Variants in RET observed in about 807,000 individuals in gnomAD.
RET encodes the protein proto-oncogene tyrosine-protein kinase receptor Ret.
RET carries 19 observed loss-of-function variants against 118.3 expected under a neutral mutation model. The ratio of observed to expected loss-of-function variants is 0.16; its 90% CI spans 0.11 to 0.24. The LOEUF is 0.24. Among genes scored for constraint, RET ranks in the 10% least tolerant of loss-of-function variants. The pLI, the probability that RET is intolerant of heterozygous loss-of-function variation, is 1.00. For missense variants in RET, 1,219 were observed against 1,502.1 expected (o/e 0.81, Z 3.12); for synonymous variants, 597 against 644.1 (o/e 0.93, Z 1.11).
chr10:43,083,059 A>G (rs1270632436), intron 1 of RET, among the ~76,000 whole-genome samples: 1 of 152,152 alleles, frequency 6.6e-6, no homozygotes, highest in African/African-American at 2.4e-5. Context: ...AGGAAGCCTA[A>G]CACTTAGCCC....
intron 14 of RET, 127 bp downstream of exon 14, chr10:43,119,872 T>C: frequency 8.1e-7 from 1 of 1,234,158 alleles, no homozygotes; most frequent in Non-Finnish European, 1.2e-6. Context: ...ACCATGCCCC[T>C]GCCATGGCAT....
chr10:43,127,619 T>G (rs1023665510), intron 19 of RET: 54 of 420,358 alleles, frequency 1.3e-4, no homozygotes, highest in Admixed American at 3.2e-4. Context: ...CCTCACTGGC[T>G]TTGTGTCTAG....
chr10:43,109,359 G>A (rs1458190683), intron 6 of RET, 129 bp downstream of exon 6: 2 of 935,530 alleles, frequency 2.1e-6, no homozygotes, highest in Non-Finnish European at 3.3e-6. Flanking sequence ...CCTGAGCCCA[G>A]GGCCAGGAGG....
intron 1 of RET, among the ~76,000 whole-genome samples, chr10:43,099,230 CCGGGCA>C (rs1837583056): frequency 6.6e-6 from 1 of 152,124 alleles, no homozygotes; most frequent in Non-Finnish European, 1.5e-5. Context: ...CATAGATAGG[CCGGGCA>C]CGGTGGCTCA....
intron 9 of RET, 31 bp from the exon 10 acceptor site, chr10:43,113,525 A>C: frequency 1.3e-6 from 2 of 1,588,272 alleles, no homozygotes; most frequent in South Asian, 2.3e-5. Flanking sequence ...CAGGCGCCCC[A>C]GGAGGCTGAG....
intron 1 of RET, among the ~76,000 whole-genome samples, chr10:43,097,333 G>A (rs1161227833): frequency 6.6e-6 from 1 of 152,162 alleles, no homozygotes; most frequent in Admixed American, 6.5e-5. Context: ...CATCACCAGA[G>A]CCACCCCACG....
rs1554817395 is a variant in RET at position 43,100,622 on chromosome 10, G to T, written c.237G>T (p.Arg79=). 9 of 1,613,872 alleles carry T rather than the reference G, an allele frequency of 5.6e-6. No homozygotes were observed. Among genetic ancestry groups the T allele is most frequent in the Middle Eastern group, 3.3e-4 (2 of 6,060 alleles). ...ATCTCTACGGCACGTACCGCACACG[G>T]CTGCATGAGAACAACTGGATCTGCA... The part of the protein sequence containing the change: ...GQHLYGTYRT[R]LHENNWICIQ... The change falls in exon 2 of 20, where the codon CGG becomes CGT. Residue 79 remains arginine, a synonymous_variant. Coordinates refer to ENST00000355710, the MANE Select transcript of RET (RefSeq NM_020975.6).
chr10:43,090,601 A>G (rs1837390425), intron 1 of RET, among the ~76,000 whole-genome samples: 1 of 152,176 alleles, frequency 6.6e-6, no homozygotes, highest in African/African-American at 2.4e-5. Flanking sequence ...CCCACATCCA[A>G]AAGCAAAATT....
At chr10:43,098,635 T>A (rs1040495575) in intron 1 of RET, among the ~76,000 whole-genome samples, 2 of 152,226 alleles carry the variant, frequency 1.3e-5, no homozygotes, top group Admixed American at 6.5e-5. Context: ...TTGGCTAGGC[T>A]GATCTTAAAC....
At chr10:43,096,485 G>A (rs1220782788) in intron 1 of RET, among the ~76,000 whole-genome samples, 1 of 152,142 alleles carries the variant, frequency 6.6e-6, no homozygotes, top group Non-Finnish European at 1.5e-5. Context: ...GGGCAGTGAA[G>A]GGATCTGCAC....
At chr10:43,122,109 A>G in intron 16 of RET, 93 bp downstream of exon 16, 1 of 999,062 alleles carries the variant, frequency 1.0e-6, no homozygotes, top group Admixed American at 1.7e-5. Context: ...CAGCTTGGCC[A>G]GGGAATTGCA....
intron 19 of RET, chr10:43,127,155 C>G: frequency 9.0e-7 from 1 of 1,112,188 alleles, no homozygotes; most frequent in South Asian, 3.4e-5. Flanking sequence ...GGAGCACAGC[C>G]AGGTTCCCCC....
At chr10:43,092,673 C>T (rs1232527965) in intron 1 of RET, among the ~76,000 whole-genome samples, 4 of 152,200 alleles carry the variant, frequency 2.6e-5, no homozygotes, top group African/African-American at 9.7e-5. Context: ...GGTGGTCCTA[C>T]CCGAGTGAGT....
chr10:43,117,066 TGAA>T (rs1158743443), intron 12 of RET, among the ~76,000 whole-genome samples: 1 of 152,254 alleles, frequency 6.6e-6, no homozygotes, highest in Non-Finnish European at 1.5e-5. Context: ...GGGGTCTTGG[TGAA>T]GAGACCACCA....
intron 18 of RET, 31 bp downstream of exon 18, chr10:43,125,013 G>T: frequency 1.2e-6 from 2 of 1,605,944 alleles, no homozygotes; most frequent in South Asian, 1.1e-5. Context: ...CCCACAAGCT[G>T]AAAGTGGCTT....
chr10:43,124,978 G>A lies in RET; in HGVS notation c.3035G>A (p.Arg1012Lys), dbSNP rs1340104694. 3 of 1,614,198 alleles carry A rather than the reference G, an allele frequency of 1.9e-6. No individual in the cohort carries two copies. Among genetic ancestry groups the A allele is most frequent in the East Asian group, 2.2e-5 (1 of 44,886 alleles). The change falls in exon 18 of 20, where the codon AGG becomes AAG. Residue 1012 changes from arginine to lysine, a missense_variant. Coordinates refer to ENST00000355710, the MANE Select transcript of RET (RefSeq NM_020975.6). The part of the protein sequence containing the change: ...SKDLEKMMVK[R>K]RDYLDLAAST... ...GACCTGGAGAAGATGATGGTTAAGAGGAGAGTGAGTGCCTGGGTCCAATTC... is the reference window on the plus strand; with the variant it reads ...GACCTGGAGAAGATGATGGTTAAGAAGAGAGTGAGTGCCTGGGTCCAATTC...
rs375963128 is a variant in RET, at chr10:43,121,957, A to G, written c.2742A>G (p.Pro914=). 1.1e-4 allele frequency: 170 copies of G among 1,612,824 alleles called. No individual in the cohort carries two copies. The highest frequency in any genetic ancestry group is 1.4e-4 in the Non-Finnish European group (163 of 1,178,872). Residue 914 remains proline, a synonymous_variant, in exon 16 of 20, where the codon CCA becomes CCG. Transcript: ENST00000355710. ...CATCTTCTCTTTAGGGTCGGATTCC[A>G]GTTAAATGGATGGCAATTGAATCCC... ...SYVKRSQGRI[P]VKWMAIESLF... is the part of the protein sequence containing the mutation.
At chr10:43,100,324 A>T (rs2132653733) in intron 1 of RET, 135 bp from the exon 2 acceptor site, 2 of 974,314 alleles carry the variant, frequency 2.1e-6, no homozygotes, top group Non-Finnish European at 3.1e-6. Context: ...CAAATAATTG[A>T]GTGTTCATGT....
At chr10:43,104,672 C>T (rs1837717219) in intron 3 of RET, 3 of 569,654 alleles carry the variant, frequency 5.3e-6, no homozygotes, top group Middle Eastern at 9.5e-4. Context: ...GATCAGGGTG[C>T]CTGGTCCTGG....
Sources: gnomAD v4.1 joint callset for allele counts (sites outside exome capture counted in the v4.1 genomes callset) on GRCh38, gnomAD v4.1.1 for gene constraint, MANE v1.5 for transcripts, NCBI Gene and HGNC (gene_info 2026-07-23, HGNC 2026-07-21) for gene names.